Variants in DCC observed in about 807,000 individuals in gnomAD.
The protein encoded by DCC is DCC netrin 1 receptor.
In DCC, 58 loss-of-function variants were observed where a neutral mutation model predicts 172.5. The ratio of observed to expected loss-of-function variants is 0.34; its 90% confidence interval spans 0.27 to 0.42. The LOEUF is 0.42. Ranked by LOEUF, DCC falls within the 10% of genes least tolerant of loss-of-function variation. DCC has a pLI of 1.00. For synonymous variants in DCC, 709 were observed against 644.5 expected, an observed-to-expected ratio of 1.10 and a Z score of -1.52; for missense variants, 1,740 against 1,791.0, an observed-to-expected ratio of 0.97 and a Z score of 0.51.
At chr18:53,031,066 C>A (rs997363443) in intron 5 of DCC, among the ~76,000 whole-genome samples, 3 of 152,108 alleles carry the variant, frequency 2.0e-5, no homozygotes, top group Admixed American at 2.0e-4. Flanking sequence ...CGAGACCAGC[C>A]TGGCCGACAT....
intron 27 of DCC, among the ~76,000 whole-genome samples, chr18:53,516,672 A>T (rs1045979318): frequency 2.0e-5 from 3 of 150,766 alleles, no homozygotes; most frequent in Admixed American, 2.0e-4. Flanking sequence ...GAACACATTT[A>T]TGCAGCCAAA....
At chr18:53,471,821 C>G (rs1166677262) in intron 25 of DCC, among the ~76,000 whole-genome samples, 1 of 152,132 alleles carries the variant, frequency 6.6e-6, no homozygotes, top group Non-Finnish European at 1.5e-5. Context: ...CACAGCATCT[C>G]TGGTCACTCT....
intron 5 of DCC, among the ~76,000 whole-genome samples, chr18:53,031,782 G>A (rs1270792481): frequency 6.6e-6 from 1 of 151,940 alleles, no homozygotes; most frequent in Admixed American, 6.6e-5. Context: ...GACTCCTAAG[G>A]TTTTGTAACA....
chr18:52,347,993 C>T (rs770287704), intron 1 of DCC, among the ~76,000 whole-genome samples: 2 of 152,004 alleles, frequency 1.3e-5, no homozygotes, highest in African/African-American at 2.4e-5. Flanking sequence ...TGTATTAACC[C>T]CTTGCCTTTT....
At chr18:52,341,011 G>A (rs1983607272) in intron 1 of DCC, 133 bp downstream of exon 1, 23 of 760,432 alleles carry the variant, frequency 3.0e-5, no homozygotes, top group South Asian at 3.0e-4. Context: ...CCCCATTTGC[G>A]CACCGATGAT....
intron 1 of DCC, among the ~76,000 whole-genome samples, chr18:52,737,154 T>A (rs2036742749): frequency 6.6e-6 from 1 of 152,216 alleles, no homozygotes; most frequent in Admixed American, 6.5e-5. Flanking sequence ...CTTACTGATT[T>A]TTTTTATATT....
intron 7 of DCC, among the ~76,000 whole-genome samples, chr18:53,132,190 T>A (rs2043667230): frequency 2.0e-5 from 3 of 152,016 alleles, no homozygotes. Context: ...CAGGGAAAAT[T>A]TGAAATGGCG....
Position 53,459,356 on chromosome 18 carries a change from C to G in DCC, c.3517C>G (p.Pro1173Ala). The G allele has an allele frequency of 1.2e-6, 2 of 1,613,864 alleles. No individual in the cohort carries two copies. The highest frequency in any genetic ancestry group is 1.7e-6 in the Non-Finnish European group (2 of 1,179,852). ...KNIEKPSGTD[P>A]AGRDSPIQSC... is the part of the protein sequence containing the mutation. ...TATTGAAAAGCCATCTGGCACTGAC[C>G]CTGCAGGAAGGGACTCTCCCATCCA... The change falls in exon 24 of 29, where the codon CCT (proline) becomes GCT (alanine). Residue 1173 changes from proline to alanine, a missense_variant. By Grantham distance (27) the Pro-to-Ala change is conservative. Coordinates refer to ENST00000442544, the MANE Select transcript of DCC (RefSeq NM_005215.4).
At chr18:53,180,640 G>A (rs756857110) in intron 9 of DCC, among the ~76,000 whole-genome samples, 2 of 152,100 alleles carry the variant, frequency 1.3e-5, no homozygotes, top group Non-Finnish European at 2.9e-5. Flanking sequence ...TCTTCATAAT[G>A]TCTATATTAA....
chr18:52,511,280 CAA>C (rs5824941), intron 1 of DCC, among the ~76,000 whole-genome samples: 67 of 110,058 alleles, frequency 6.1e-4, no homozygotes, highest in East Asian at 2.3e-3. Context: ...GACTCTGTCT[CAA>C]AAAAAAAAAA....
chr18:52,786,029 G>A (rs9956657), intron 2 of DCC, among the ~76,000 whole-genome samples: 6,940 of 152,118 alleles, frequency 0.046, 237 homozygotes, highest in South Asian at 0.16. Flanking sequence ...CAGTTAGAAG[G>A]TGCTACTGTT....
chr18:53,413,726 T>C (rs574381249), intron 20 of DCC, among the ~76,000 whole-genome samples: 1 of 152,318 alleles, frequency 6.6e-6, no homozygotes, highest in South Asian at 2.1e-4. Context: ...GTCTCGTCTT[T>C]TTTGACATAA....
chr18:52,685,216 C>A (rs762794436), intron 1 of DCC, among the ~76,000 whole-genome samples: 1 of 151,990 alleles, frequency 6.6e-6, no homozygotes, highest in South Asian at 2.1e-4. Context: ...TTTTTCTTTG[C>A]CTTTCCCATT....
At chr18:52,676,224 C>G (rs1484917079) in intron 1 of DCC, among the ~76,000 whole-genome samples, 7 of 152,130 alleles carry the variant, frequency 4.6e-5, no homozygotes, top group African/African-American at 1.7e-4. Flanking sequence ...CAGGTTTAAC[C>G]ATTCTGAGTA....
chr18:52,686,410 G>C (rs1237221921), intron 1 of DCC, among the ~76,000 whole-genome samples: 1 of 152,110 alleles, frequency 6.6e-6, no homozygotes, highest in Non-Finnish European at 1.5e-5. Context: ...GATTTTCCTA[G>C]TTTGGGGGCA....
chr18:52,966,711 C>T (rs936001372), intron 5 of DCC, among the ~76,000 whole-genome samples: 2 of 152,288 alleles, frequency 1.3e-5, no homozygotes, highest in Non-Finnish European at 2.9e-5. Flanking sequence ...TGTTTGTGAT[C>T]TCACGATGGG....
At chr18:52,438,991 T>C (rs1373128902) in intron 1 of DCC, among the ~76,000 whole-genome samples, 1 of 152,176 alleles carries the variant, frequency 6.6e-6, no homozygotes, top group Admixed American at 6.5e-5. Flanking sequence ...GCCTCTTCTT[T>C]TTAGCAAAGG....
At chr18:52,966,428 C>G (rs1046510081) in intron 5 of DCC, among the ~76,000 whole-genome samples, 1 of 152,058 alleles carries the variant, frequency 6.6e-6, no homozygotes, top group Non-Finnish European at 1.5e-5. Context: ...TTTCTGTATA[C>G]CCTCCACCCC....
intron 1 of DCC, among the ~76,000 whole-genome samples, chr18:52,527,622 T>G (rs1328925700): frequency 1.3e-5 from 2 of 152,182 alleles, no homozygotes; most frequent in African/African-American, 4.8e-5. Context: ...AGTATGTATA[T>G]GTTGGAATGA....
Sources: allele counts gnomAD v4.1 joint callset (sites outside exome capture counted in the v4.1 genomes callset), GRCh38; gene constraint gnomAD v4.1.1; transcripts MANE v1.5; gene names NCBI Gene and HGNC (gene_info 2026-07-23, HGNC 2026-07-21).